Variants in SLC16A7 observed in about 807,000 individuals in gnomAD.
SLC16A7 encodes the protein monocarboxylate transporter 2.
A neutral mutation model predicts 34.9 loss-of-function variants in SLC16A7; 33 were observed. That is an observed-to-expected ratio of 0.94 (90% CI 0.72 to 1.26). The LOEUF (loss-of-function observed/expected upper bound fraction) is 1.26. Ranked by LOEUF, SLC16A7 falls within the 50% of genes most tolerant of loss-of-function variation. The probability of loss-of-function intolerance (pLI) is 0.00; values close to 1 mark genes in which losing one functional copy is unlikely to be tolerated. For missense variants in SLC16A7, 573 were observed against 578.1 expected (o/e 0.99, Z 0.09); for synonymous variants, 201 against 206.6 (o/e 0.97, Z 0.23).
At chr12:59,652,341 A>G (rs1868356157) in intron 1 of SLC16A7, among the ~76,000 whole-genome samples, 1 of 151,950 alleles carries the variant, frequency 6.6e-6, no homozygotes, top group Admixed American at 6.6e-5. Flanking sequence ...GCAAAAATAT[A>G]TTTCATTTCT....
intron 1 of SLC16A7, among the ~76,000 whole-genome samples, chr12:59,617,865 A>T (rs970735173): frequency 6.6e-6 from 1 of 151,900 alleles, no homozygotes; most frequent in Non-Finnish European, 1.5e-5. Flanking sequence ...TGGAGTTTTA[A>T]TAATTAGAAA....
At chr12:59,733,721 C>T (rs144641794) in intron 3 of SLC16A7, 2 of 456,050 alleles carry the variant, frequency 4.4e-6, no homozygotes, top group Non-Finnish European at 8.8e-6. Context: ...TTCAGCAGGT[C>T]CCAAGCTCCC....
chr12:59,733,693 A>G (rs1348786027), intron 3 of SLC16A7: 2 of 455,852 alleles, frequency 4.4e-6, no homozygotes, highest in East Asian at 7.0e-5. Context: ...TTATGTTACA[A>G]CTGTTTCAGT....
chr12:59,638,754 C>T (rs532747073), intron 1 of SLC16A7, among the ~76,000 whole-genome samples: 74 of 152,146 alleles, frequency 4.9e-4, no homozygotes, highest in Middle Eastern at 3.4e-3. Flanking sequence ...TATCAAATTA[C>T]GAGAAGAGTT....
chr12:59,673,656 T>G (rs1870075437), intron 2 of SLC16A7, among the ~76,000 whole-genome samples: 1 of 152,132 alleles, frequency 6.6e-6, no homozygotes, highest in Non-Finnish European at 1.5e-5. Context: ...AATAAAATAT[T>G]GCAATATTCA....
chr12:59,696,238 A>G (rs1872274601), intron 2 of SLC16A7, among the ~76,000 whole-genome samples: 1 of 151,944 alleles, frequency 6.6e-6, no homozygotes, highest in African/African-American at 2.4e-5. Context: ...TTTTAGTCAT[A>G]TCTTAGTTCT....
At position 59,784,118 on chromosome 12, in the gene SLC16A7, A is replaced by C. The variant is rs371418185; in HGVS notation, c.*4439A>C. 3 of 152,218 alleles carry C rather than the reference A, an allele frequency of 2.0e-5. No individual in the cohort carries two copies. In the East Asian group the frequency reaches 5.8e-4, roughly 29 times the overall value. 9.4% of individuals were successfully genotyped at this position (152,218 alleles called of 1,614,324 possible). ...ATAATGACATATTTGAGTCAGGCAT[A>C]ATACATTTTTTCTGAGGTTGGAGTT... is the stretch of plus-strand genomic sequence containing the variant. On this transcript the variant is annotated 3_prime_UTR_variant, in exon 6 of 6. Coordinates refer to ENST00000547379, the MANE Select transcript of SLC16A7 (RefSeq NM_001270623.2).
chr12:59,686,749 T>G (rs1457050366), intron 2 of SLC16A7, among the ~76,000 whole-genome samples: 1 of 152,136 alleles, frequency 6.6e-6, no homozygotes, highest in Non-Finnish European at 1.5e-5. Flanking sequence ...CCCTGCTACA[T>G]TCCCGACTAT....
rs1307014371 is a variant in SLC16A7 at position 59,779,955 on chromosome 12, A to G, written c.*276A>G. The G allele has an allele frequency of 7.1e-6, 2 of 280,304 alleles. No individual in the cohort carries two copies. Among genetic ancestry groups the G allele is most frequent in the Non-Finnish European group, 1.3e-5 (2 of 148,626 alleles). 17.4% of individuals were successfully genotyped at this position (280,304 alleles called of 1,614,324 possible). A position where few individuals can be genotyped will look rare whatever the true frequency, so the allele number is the denominator to read the frequency against. Reference sequence around the variant, plus strand: ...GTGGTGGTTAAAATACTAATTTTAAAGTCTTCCAGTGACTTTCGGTCTTGG... The same window carrying G: ...GTGGTGGTTAAAATACTAATTTTAAGGTCTTCCAGTGACTTTCGGTCTTGG... On this transcript the variant is annotated 3_prime_UTR_variant, in exon 6 of 6. Coordinates refer to ENST00000547379, the MANE Select transcript of SLC16A7 (RefSeq NM_001270623.2).
intron 3 of SLC16A7, among the ~76,000 whole-genome samples, chr12:59,708,054 A>G (rs1005267454): frequency 2.6e-5 from 4 of 152,176 alleles, no homozygotes; most frequent in Admixed American, 1.3e-4. Flanking sequence ...TAATCTTTTA[A>G]CCAAAAATAA....
chr12:59,718,074 A>T (rs536336734), intron 3 of SLC16A7, among the ~76,000 whole-genome samples: 1 of 152,284 alleles, frequency 6.6e-6, no homozygotes, highest in East Asian at 1.9e-4. Context: ...AGTCATAAAT[A>T]TTTATTAACC....
intron 1 of SLC16A7, among the ~76,000 whole-genome samples, chr12:59,609,837 AG>A (rs1177544848): frequency 6.6e-6 from 1 of 152,194 alleles, no homozygotes. Flanking sequence ...TGGTGTCTGA[AG>A]GATTTGCAAA....
At chr12:59,757,414 A>G (rs1049411450) in intron 3 of SLC16A7, among the ~76,000 whole-genome samples, 2 of 152,148 alleles carry the variant, frequency 1.3e-5, no homozygotes, top group African/African-American at 4.8e-5. Flanking sequence ...AAAAAAGAAG[A>G]CAAAGTAGTT....
intron 1 of SLC16A7, among the ~76,000 whole-genome samples, chr12:59,648,361 A>G (rs999432865): frequency 2.0e-5 from 3 of 152,196 alleles, no homozygotes; most frequent in African/African-American, 4.8e-5. Flanking sequence ...CATAGGCATG[A>G]GGGACTTGAG....
intron 2 of SLC16A7, 22 bp from the exon 3 acceptor site, chr12:59,704,750 T>G: frequency 1.6e-6 from 2 of 1,247,772 alleles, no homozygotes; most frequent in Non-Finnish European, 2.3e-6. Flanking sequence ...ATTTAAACTG[T>G]TATTTCATTA....
intron 1 of SLC16A7, among the ~76,000 whole-genome samples, chr12:59,600,433 T>G (rs1878629008): frequency 6.6e-6 from 1 of 152,168 alleles, no homozygotes; most frequent in Admixed American, 6.5e-5. Flanking sequence ...GGGAAACATC[T>G]GCACACTAGC....
At chr12:59,633,273 T>C (rs1162174859) in intron 1 of SLC16A7, among the ~76,000 whole-genome samples, 1 of 152,050 alleles carries the variant, frequency 6.6e-6, no homozygotes, top group Non-Finnish European at 1.5e-5. Flanking sequence ...TGAGGGAAGC[T>C]ATGATACTTC....
At chr12:59,642,852 G>A (rs1224611975) in intron 1 of SLC16A7, among the ~76,000 whole-genome samples, 1 of 152,042 alleles carries the variant, frequency 6.6e-6, no homozygotes, top group African/African-American at 2.4e-5. Flanking sequence ...TGTACACAGA[G>A]TAAAGAATTC....
At position 59,639,693 on chromosome 12, in the gene SLC16A7, G is replaced by A. The variant is rs1361355157; in HGVS notation, c.-129-15459G>A. ...GAGCCAGCATACCTGGCCAACTACT[G>A]TTTATCTACACATGCACACAACCCT... On this transcript the variant is annotated intron_variant, in intron 1 of 5. Transcript: ENST00000547379. Among the ~76,000 whole-genome samples, 3 of 151,970 alleles carry A rather than the reference G, an allele frequency of 2.0e-5. No homozygotes were observed. In the East Asian group the frequency reaches 5.8e-4, roughly 29 times the overall value.
Sources: gnomAD v4.1 joint callset for allele counts (sites outside exome capture counted in the v4.1 genomes callset) on GRCh38, gnomAD v4.1.1 for gene constraint, MANE v1.5 for transcripts, NCBI Gene and HGNC (gene_info 2026-07-23, HGNC 2026-07-21) for gene names.